The following MED27 variants were observed in gnomAD, a reference collection of about 807,000 sequenced individuals.
MED27 encodes the protein mediator complex subunit 27.
MED27 carries 30 observed loss-of-function variants against 38.2 expected under a neutral mutation model. The ratio of observed to expected loss-of-function variants is 0.79; its 90% CI spans 0.59 to 1.07. The LOEUF (loss-of-function observed/expected upper bound fraction) is 1.07. Ranked by LOEUF, MED27 falls within the 50% of genes least tolerant of loss-of-function variation. The probability of loss-of-function intolerance (pLI) is 0.00; values close to 1 mark genes in which losing one functional copy is unlikely to be tolerated. For synonymous variants in MED27, 122 were observed against 153.5 expected, an observed-to-expected ratio of 0.79 and a Z score of 1.52; for missense variants, 289 against 397.5, an observed-to-expected ratio of 0.73 and a Z score of 2.32.
chr9:131,904,541 G>GC (rs986548626), intron 4 of MED27, among the ~76,000 whole-genome samples: 1 of 134,740 alleles, frequency 7.4e-6, no homozygotes, highest in Admixed American at 7.1e-5. Flanking sequence ...ATAGAGATCG[G>GC]GGGGGAGCGG....
At chr9:131,974,588 T>C (rs988434464) in intron 3 of MED27, among the ~76,000 whole-genome samples, 2 of 152,166 alleles carry the variant, frequency 1.3e-5, no homozygotes, top group African/African-American at 4.8e-5. Flanking sequence ...CGGAGAGAAA[T>C]GACCTGCCCA....
intron 4 of MED27, among the ~76,000 whole-genome samples, chr9:131,928,617 A>G (rs1011020950): frequency 2.0e-5 from 3 of 152,160 alleles, no homozygotes; most frequent in Admixed American, 2.0e-4. Flanking sequence ...GACACAGTGG[A>G]GAGTAAAGCC....
At chr9:132,069,729 C>T (rs1156563877) in intron 2 of MED27, among the ~76,000 whole-genome samples, 1 of 152,212 alleles carries the variant, frequency 6.6e-6, no homozygotes, top group African/African-American at 2.4e-5. Context: ...ATGAACCTCT[C>T]CAGGGCAGAG....
chr9:131,871,881 T>A (rs528521418), intron 6 of MED27, among the ~76,000 whole-genome samples: 1 of 152,120 alleles, frequency 6.6e-6, no homozygotes, highest in African/African-American at 2.4e-5. Flanking sequence ...ACTTTCAACT[T>A]GGGGTATTTG....
chr9:132,071,826 A>G (rs1469952333), intron 2 of MED27, among the ~76,000 whole-genome samples: 1 of 151,660 alleles, frequency 6.6e-6, no homozygotes, highest in Non-Finnish European at 1.5e-5. Flanking sequence ...CCCATAAGTG[A>G]GTACACACAT....
intron 3 of MED27, among the ~76,000 whole-genome samples, chr9:131,987,374 C>A (rs574661403): frequency 2.6e-5 from 4 of 152,160 alleles, no homozygotes; most frequent in Non-Finnish European, 4.4e-5. Flanking sequence ...AAGTCTCATG[C>A]GATGTGGTGT....
chr9:131,866,078 C>A (rs1838732040), intron 6 of MED27, among the ~76,000 whole-genome samples: 1 of 152,214 alleles, frequency 6.6e-6, no homozygotes, highest in African/African-American at 2.4e-5. Context: ...AGTTTAGAGC[C>A]TCTAACCAAA....
intron 2 of MED27, among the ~76,000 whole-genome samples, chr9:132,057,818 C>T (rs987431570): frequency 6.6e-6 from 1 of 152,172 alleles, no homozygotes; most frequent in African/African-American, 2.4e-5. Context: ...GTGGTGACAA[C>T]AAAGGAGACA....
intron 4 of MED27, among the ~76,000 whole-genome samples, chr9:131,908,100 G>A (rs934176471): frequency 1.3e-5 from 2 of 151,226 alleles, no homozygotes; most frequent in African/African-American, 2.4e-5. Context: ...GTCTCCGCCC[G>A]GCAGCCACCC....
intron 4 of MED27, among the ~76,000 whole-genome samples, chr9:131,936,007 C>A (rs1830676549): frequency 1.3e-5 from 2 of 151,910 alleles, no homozygotes; most frequent in Non-Finnish European, 2.9e-5. Flanking sequence ...GTGGCACACA[C>A]CTGTGGTCCC....
chr9:132,038,472 G>A (rs1046898052), intron 2 of MED27, among the ~76,000 whole-genome samples: 13 of 151,192 alleles, frequency 8.6e-5, no homozygotes, highest in Non-Finnish European at 1.6e-4. Flanking sequence ...GATTACAGGC[G>A]TGAGCCACCG....
At chr9:131,903,037 A>G (rs143994289) in intron 4 of MED27, among the ~76,000 whole-genome samples, 2 of 152,338 alleles carry the variant, frequency 1.3e-5, no homozygotes, top group African/African-American at 4.8e-5. Context: ...TGAAGTGCTC[A>G]GCACCACATC....
chr9:131,920,573 G>A (rs887912581), intron 4 of MED27, among the ~76,000 whole-genome samples: 4 of 152,090 alleles, frequency 2.6e-5, no homozygotes, highest in Non-Finnish European at 5.9e-5. Flanking sequence ...AAAGCAATAA[G>A]CATAACAATA....
At chr9:132,053,761 C>T (rs537266561) in intron 2 of MED27, among the ~76,000 whole-genome samples, 30 of 152,248 alleles carry the variant, frequency 2.0e-4, no homozygotes, top group African/African-American at 2.6e-4. Context: ...ACAAAACAGT[C>T]GAGCCTCTTC....
chr9:131,893,258 G>T (rs2131502517), intron 5 of MED27, among the ~76,000 whole-genome samples: 1 of 152,224 alleles, frequency 6.6e-6, no homozygotes, highest in African/African-American at 2.4e-5. Context: ...TTACACTCTG[G>T]TGCAAACACA....
chr9:131,890,374 G>A (rs1839208942), intron 5 of MED27, among the ~76,000 whole-genome samples: 1 of 152,184 alleles, frequency 6.6e-6, no homozygotes, highest in Admixed American at 6.5e-5. Flanking sequence ...AAGGCTTCCT[G>A]TCCAACCACA....
chr9:132,001,157 A>G (rs1464330384), intron 3 of MED27, among the ~76,000 whole-genome samples: 1 of 152,168 alleles, frequency 6.6e-6, no homozygotes, highest in African/African-American at 2.4e-5. Context: ...TATGACTTCT[A>G]GAAAATGCAA....
At chr9:132,031,325 T>TA (rs954346964) in intron 2 of MED27, among the ~76,000 whole-genome samples, 3 of 152,180 alleles carry the variant, frequency 2.0e-5, no homozygotes, top group African/African-American at 7.2e-5. Context: ...GTCTCCACTA[T>TA]AAAAAACATT....
chr9:132,014,520 A>G (rs1174321710), intron 2 of MED27, 53 bp from the exon 3 acceptor site: 8 of 1,577,958 alleles, frequency 5.1e-6, no homozygotes, highest in South Asian at 1.1e-5. Flanking sequence ...TGGTAAAAGT[A>G]GGACAAATGG....
Sources: allele counts gnomAD v4.1 joint callset (sites outside exome capture counted in the v4.1 genomes callset), GRCh38; gene constraint gnomAD v4.1.1; transcripts MANE v1.5; gene names NCBI Gene and HGNC (gene_info 2026-07-23, HGNC 2026-07-21).